The following CNTNAP2 variants were observed in gnomAD, a reference collection of about 807,000 sequenced individuals.
CNTNAP2 encodes contactin-associated protein-like 2.
Under a neutral mutation model 155.2 loss-of-function variants are expected in CNTNAP2, and 98 were observed. The observed-to-expected ratio is 0.63, with a 90% CI of 0.54 to 0.75. The LOEUF is 0.75. CNTNAP2 is among the 30% of genes least tolerant of loss of function. CNTNAP2 has a pLI of 0.00. For missense variants in CNTNAP2, 1,727 were observed against 1,688.1 expected (o/e 1.02, Z -0.40); for synonymous variants, 651 against 631.2 (o/e 1.03, Z -0.47).
At chr7:147,437,597 C>T (rs1441317749) in intron 10 of CNTNAP2, among the ~76,000 whole-genome samples, 2 of 152,088 alleles carry the variant, frequency 1.3e-5, no homozygotes, top group Non-Finnish European at 2.9e-5. Flanking sequence ...ATTTTGGTTA[C>T]TATAGCTCTG....
At chr7:147,452,188 T>C (rs1797844946) in intron 10 of CNTNAP2, among the ~76,000 whole-genome samples, 1 of 152,198 alleles carries the variant, frequency 6.6e-6, no homozygotes, top group Non-Finnish European at 1.5e-5. Context: ...CTAAAAAGGA[T>C]TACATAGAAC....
At chr7:146,828,919 G>T (rs1803458261) in intron 2 of CNTNAP2, among the ~76,000 whole-genome samples, 1 of 152,028 alleles carries the variant, frequency 6.6e-6, no homozygotes, top group Admixed American at 6.6e-5. Flanking sequence ...TGTGGCTTCT[G>T]TGTGGAGCAA....
intron 1 of CNTNAP2, among the ~76,000 whole-genome samples, chr7:146,703,330 T>G (rs998172439): frequency 6.6e-6 from 1 of 152,256 alleles, no homozygotes; most frequent in Middle Eastern, 3.4e-3. Context: ...ATATGACTTT[T>G]CTATTTGGTA....
intron 15 of CNTNAP2, among the ~76,000 whole-genome samples, chr7:148,092,557 G>A (rs947130894): frequency 6.6e-6 from 1 of 152,156 alleles, no homozygotes; most frequent in South Asian, 2.1e-4. Context: ...CCTGCTGGGG[G>A]TTAGAGGCTT....
At chr7:147,561,475 T>C (rs6946882) in intron 11 of CNTNAP2, among the ~76,000 whole-genome samples, 71,522 of 151,938 alleles carry the variant, frequency 0.47, 17,027 homozygotes, top group East Asian at 0.61. Flanking sequence ...AAATTTGTCA[T>C]GAGCACTGGA....
intron 18 of CNTNAP2, among the ~76,000 whole-genome samples, chr7:148,208,969 C>G (rs1795498830): frequency 6.6e-6 from 1 of 152,158 alleles, no homozygotes; most frequent in Non-Finnish European, 1.5e-5. Context: ...TGTCTTCTCT[C>G]TTCACACACT....
chr7:147,804,463 A>T (rs2116596571), intron 13 of CNTNAP2, among the ~76,000 whole-genome samples: 1 of 152,246 alleles, frequency 6.6e-6, no homozygotes, highest in African/African-American at 2.4e-5. Flanking sequence ...CCTTCCAAAG[A>T]CTTCACACTC....
intron 16 of CNTNAP2, among the ~76,000 whole-genome samples, chr7:148,137,346 T>G (rs1230743080): frequency 2.6e-5 from 4 of 152,216 alleles, no homozygotes; most frequent in African/African-American, 9.6e-5. Flanking sequence ...TCTTTCACAC[T>G]TTAAGAAAGC....
chr7:147,432,088 T>C (rs1390960508), intron 10 of CNTNAP2, among the ~76,000 whole-genome samples: 1 of 152,232 alleles, frequency 6.6e-6, no homozygotes, highest in Non-Finnish European at 1.5e-5. Flanking sequence ...ATCTATCTTG[T>C]GCATTAGGTC....
intron 1 of CNTNAP2, among the ~76,000 whole-genome samples, chr7:146,393,231 A>G (rs1212303114): frequency 6.6e-6 from 1 of 152,156 alleles, no homozygotes; most frequent in Non-Finnish European, 1.5e-5. Context: ...GTGTTTTTCC[A>G]GTGACAAAGT....
intron 1 of CNTNAP2, among the ~76,000 whole-genome samples, chr7:146,334,788 A>G (rs2129095419): frequency 6.6e-6 from 1 of 152,276 alleles, no homozygotes; most frequent in East Asian, 1.9e-4. Context: ...ACTTGAAAGA[A>G]TAACATTCAC....
At chr7:147,378,520 G>A (rs1167442614) in intron 9 of CNTNAP2, among the ~76,000 whole-genome samples, 4 of 152,020 alleles carry the variant, frequency 2.6e-5, no homozygotes, top group Non-Finnish European at 5.9e-5. Flanking sequence ...GACAAACTAT[G>A]TGCGTTCTCA....
intron 8 of CNTNAP2, among the ~76,000 whole-genome samples, chr7:147,282,079 T>TC (rs1372531294): frequency 1.3e-5 from 2 of 151,884 alleles, no homozygotes; most frequent in Non-Finnish European, 2.9e-5. Context: ...GGCTTACTGT[T>TC]TCAAATTCTT....
chr7:147,117,024 C>T (rs1044984192), intron 5 of CNTNAP2, among the ~76,000 whole-genome samples: 3 of 152,196 alleles, frequency 2.0e-5, no homozygotes, highest in African/African-American at 7.2e-5. Flanking sequence ...ATGACAGTGG[C>T]TGGCTGAAAT....
rs1242361095 is a variant in CNTNAP2, at chr7:148,365,804, G to A, written c.3476-17845G>A. Among the ~76,000 whole-genome samples the A allele has an allele frequency of 1.9e-5, 2 of 106,898 alleles. 1 individual carries two copies. The highest frequency in any genetic ancestry group is 1.6e-4 in the Admixed American group (2 of 12,672). The allele number at this position is 106,898 out of a possible 152,430, so 70.1% of individuals were successfully genotyped here. ...TGTGTATGCATGTATACATGCATGTGTATGCATGTATACATGCATGTGTAT... is the reference window on the plus strand; with the variant it reads ...TGTGTATGCATGTATACATGCATGTATATGCATGTATACATGCATGTGTAT... On this transcript the variant is annotated intron_variant, in intron 21 of 23. Transcript: ENST00000361727.
chr7:146,837,296 C>T lies in CNTNAP2; in HGVS notation c.209-2415C>T, dbSNP rs573802121. On this transcript the variant is annotated intron_variant, in intron 2 of 23. Coordinates refer to ENST00000361727, the MANE Select transcript of CNTNAP2 (RefSeq NM_014141.6). ...AGCTTAATTTAGATGCCTTATATGG[C>T]CCTACATTCTAGTACAATGATGTTT... Among the ~76,000 whole-genome samples the T allele has an allele frequency of 3.9e-5, 6 of 152,074 alleles. No individual in the cohort carries two copies. In the South Asian group the frequency reaches 1.2e-3, roughly 32 times the overall value.
intron 8 of CNTNAP2, among the ~76,000 whole-genome samples, chr7:147,192,437 A>G (rs1802699986): frequency 6.6e-6 from 1 of 152,098 alleles, no homozygotes; most frequent in African/African-American, 2.4e-5. Flanking sequence ...ATTCTGATCC[A>G]TTAGTTCTCA....
At chr7:147,751,087 A>T (rs939862134) in intron 13 of CNTNAP2, among the ~76,000 whole-genome samples, 4 of 151,230 alleles carry the variant, frequency 2.6e-5, no homozygotes, top group African/African-American at 9.7e-5. Flanking sequence ...AAATTAAAAA[A>T]AATTTCCAGG....
intron 1 of CNTNAP2, among the ~76,000 whole-genome samples, chr7:146,420,930 G>A (rs1223327947): frequency 1.3e-5 from 2 of 152,002 alleles, no homozygotes; most frequent in Non-Finnish European, 2.9e-5. Context: ...ACATTGGACT[G>A]TTCAGAATGC....
Sources: allele counts gnomAD v4.1 joint callset (sites outside exome capture counted in the v4.1 genomes callset), GRCh38; gene constraint gnomAD v4.1.1; transcripts MANE v1.5; gene names NCBI Gene and HGNC (gene_info 2026-07-23, HGNC 2026-07-21).